The following TCTN1 variants were observed in gnomAD, a reference collection of about 807,000 sequenced individuals.
TCTN1 encodes the protein tectonic family member 1.
A neutral mutation model predicts 65.8 loss-of-function variants in TCTN1; 58 were observed. The observed-to-expected ratio is 0.88, with a 90% CI of 0.71 to 1.10. The LOEUF is 1.10. Ranked by LOEUF, TCTN1 falls within the 50% of genes least tolerant of loss-of-function variation. The probability of loss-of-function intolerance (pLI) is 0.00; values close to 1 mark genes in which losing one functional copy is unlikely to be tolerated. For missense variants in TCTN1, 645 were observed against 719.4 expected (o/e 0.90, Z 1.18); for synonymous variants, 273 against 289.1 (o/e 0.94, Z 0.57).
chr12:110,632,998 T>C (rs1017531095), intron 5 of TCTN1, among the ~76,000 whole-genome samples: 2 of 152,248 alleles, frequency 1.3e-5, no homozygotes, highest in Non-Finnish European at 2.9e-5. Context: ...AAATACTCTC[T>C]GTAATCCCTT....
intron 1 of TCTN1, among the ~76,000 whole-genome samples, chr12:110,619,514 T>G (rs1212137880): frequency 6.6e-6 from 1 of 152,210 alleles, no homozygotes; most frequent in Non-Finnish European, 1.5e-5. Context: ...TAAACTTGTC[T>G]AATTATAAGC....
At chr12:110,631,627 C>T (rs2066244093) in intron 4 of TCTN1, among the ~76,000 whole-genome samples, 1 of 152,082 alleles carries the variant, frequency 6.6e-6, no homozygotes, top group South Asian at 2.1e-4. Flanking sequence ...GAGCAAGACT[C>T]CATCTCAAAA....
chr12:110,641,104 C>T lies in TCTN1; in HGVS notation c.1059C>T (p.Ser353=), dbSNP rs370906446. The T allele has an allele frequency of 8.5e-5, 138 of 1,614,096 alleles. No individual in the cohort carries two copies. Among genetic ancestry groups the T allele is most frequent in the Non-Finnish European group, 1.0e-4 (119 of 1,180,048 alleles). Residue 353 remains serine (S), a synonymous_variant, in exon 9 of 15, where the codon AGC becomes AGT. Transcript: ENST00000397659. ...DLSFVLGTVS[S]VVVPLQQKFE... ...CATTCGTTCTGGGGACAGTTAGCAGCGTAGTGGTCCCACTGCAGCAAAAGT... is the reference window on the plus strand; with the variant it reads ...CATTCGTTCTGGGGACAGTTAGCAGTGTAGTGGTCCCACTGCAGCAAAAGT...
chr12:110,641,746 G>A, intron 10 of TCTN1, 119 bp downstream of exon 10: 3 of 1,073,828 alleles, frequency 2.8e-6, no homozygotes, highest in Non-Finnish European at 2.8e-6. Context: ...AGCAGTCCAG[G>A]CCGAGCTTCC....
chr12:110,623,280 G>A (rs1484592018), intron 2 of TCTN1, among the ~76,000 whole-genome samples: 2 of 152,184 alleles, frequency 1.3e-5, no homozygotes, highest in Non-Finnish European at 2.9e-5. Context: ...ACCATGAGTC[G>A]TTACCCAGCC....
Position 110,641,672 on chromosome 12 carries a change from A to T in TCTN1, c.1190+45A>T, listed in dbSNP as rs117967739. 5 of 1,567,462 alleles carry T rather than the reference A, an allele frequency of 3.2e-6. No homozygotes were observed. In the Admixed American group the frequency reaches 8.3e-5, roughly 26 times the overall value. ...AGAGGGTGGATTTATTTCTCTCTCC[A>T]TGTGCGTGGGCTGCACTGCTCTTTA... On this transcript the variant is annotated intron_variant, in intron 10 of 14. Transcript: ENST00000397659.
intron 2 of TCTN1, among the ~76,000 whole-genome samples, chr12:110,620,458 G>A (rs2065346458): frequency 6.6e-6 from 1 of 151,952 alleles, no homozygotes; most frequent in African/African-American, 2.4e-5. Flanking sequence ...AGGTGACTGT[G>A]CAGGCAAAAG....
chr12:110,618,480 C>G (rs1375670771), intron 1 of TCTN1, among the ~76,000 whole-genome samples: 1 of 152,084 alleles, frequency 6.6e-6, no homozygotes, highest in Non-Finnish European at 1.5e-5. Context: ...ACCTTGTGAT[C>G]CGCCTGCCTT....
chr12:110,622,369 C>T (rs2065492426), intron 2 of TCTN1, among the ~76,000 whole-genome samples: 1 of 152,104 alleles, frequency 6.6e-6, no homozygotes, highest in African/African-American at 2.4e-5. Context: ...ATGCCAGCAC[C>T]AGGGACATAA....
chr12:110,620,977 G>A (rs180952245), intron 2 of TCTN1, among the ~76,000 whole-genome samples: 8 of 152,044 alleles, frequency 5.3e-5, no homozygotes, highest in Admixed American at 1.3e-4. Flanking sequence ...GATGCCTGGC[G>A]TATTTTTAGT....
chr12:110,623,721 T>C (rs764284109), intron 2 of TCTN1, among the ~76,000 whole-genome samples: 17 of 152,080 alleles, frequency 1.1e-4, no homozygotes, highest in Non-Finnish European at 2.2e-4. Flanking sequence ...CCCAAGTAGT[T>C]AGAACTATAA....
At position 110,639,111 on chromosome 12, in the gene TCTN1, T is replaced by C. The variant is rs1467060408; in HGVS notation, c.844-1272T>C. Among the ~76,000 whole-genome samples the C allele has an allele frequency of 2.0e-5, 3 of 152,256 alleles. No individual in the cohort carries two copies. Among genetic ancestry groups the C allele is most frequent in the Non-Finnish European group, 2.9e-5 (2 of 68,042 alleles). Reference sequence around the variant, plus strand: ...CTAAAATAACTGCTTAAATACTTGGTCATTTTGAATTATAAACAGCATGGT... The same window carrying C: ...CTAAAATAACTGCTTAAATACTTGGCCATTTTGAATTATAAACAGCATGGT... On this transcript the variant is annotated intron_variant, in intron 7 of 14. Coordinates refer to ENST00000397659, the MANE Select transcript of TCTN1 (RefSeq NM_001082538.3). This position sits in a 1 kb window ranked among gnomAD's most constrained non-coding sequence, Gnocchi z 4.9.
At chr12:110,627,763 G>T in intron 3 of TCTN1, 2 of 447,802 alleles carry the variant, frequency 4.5e-6, no homozygotes, top group Non-Finnish European at 7.8e-6. Context: ...ATTTTTATCT[G>T]AGCATTTAGC....
At chr12:110,645,939 A>T (rs1593382194) in intron 12 of TCTN1, 2 of 151,452 alleles carry the variant, frequency 1.3e-5, no homozygotes, top group South Asian at 2.1e-4. Flanking sequence ...GAGACCCGGG[A>T]TTACTCAGTC....
chr12:110,617,121 A>G (rs987874082), intron 1 of TCTN1, among the ~76,000 whole-genome samples: 7 of 152,228 alleles, frequency 4.6e-5, no homozygotes, highest in Admixed American at 2.6e-4. Flanking sequence ...GTAATTTTAA[A>G]CATACAGGGA....
intron 14 of TCTN1, 25 bp downstream of exon 14, chr12:110,647,918 C>T (rs1476730728): frequency 6.2e-6 from 10 of 1,611,902 alleles, no homozygotes; most frequent in African/African-American, 1.3e-5. Flanking sequence ...TACGCCCCTC[C>T]TCTGAGGTCA....
intron 2 of TCTN1, among the ~76,000 whole-genome samples, chr12:110,623,414 G>A (rs1046562988): frequency 1.3e-5 from 2 of 152,192 alleles, no homozygotes; most frequent in African/African-American, 4.8e-5. Flanking sequence ...AGGGTACAGG[G>A]AAATAGGCAC....
chr12:110,642,312 G>A lies in TCTN1; in HGVS notation c.1254G>A (p.Glu418=). ...TTACTATTCTTCATAGCACAACTGA[G>A]CAAGACTGCTTAGCACTGGAGGGGG... ...GQLTILHSTT[E]QDCLALEGVR... is the part of the protein sequence containing the mutation. The change falls in exon 11 of 15, where the codon GAG becomes GAA. Residue 418 remains glutamate (E), a synonymous_variant. Coordinates refer to ENST00000397659, the MANE Select transcript of TCTN1 (RefSeq NM_001082538.3). 1.2e-6 allele frequency: 2 copies of A among 1,614,216 alleles called. No individual in the cohort carries two copies. The highest frequency in any genetic ancestry group is 1.1e-5 in the South Asian group (1 of 91,088).
chr12:110,617,902 G>A (rs2065155883), intron 1 of TCTN1, among the ~76,000 whole-genome samples: 1 of 151,936 alleles, frequency 6.6e-6, no homozygotes, highest in Admixed American at 6.6e-5. Flanking sequence ...GCCTCCCAAA[G>A]TGCTGGGATT....
Sources: allele counts gnomAD v4.1 joint callset (sites outside exome capture counted in the v4.1 genomes callset), GRCh38; gene constraint gnomAD v4.1.1; non-coding constraint Gnocchi (gnomAD v3.1); transcripts MANE v1.5; gene names NCBI Gene and HGNC (gene_info 2026-07-23, HGNC 2026-07-21).